IAH1: variants seen among roughly 807,000 people sequenced by gnomAD.
IAH1 encodes isoamyl acetate-hydrolyzing esterase 1 homolog.
A neutral mutation model predicts 26.7 loss-of-function variants in IAH1; 24 were observed. That is an observed-to-expected ratio of 0.90 (90% CI 0.65 to 1.26). The LOEUF (loss-of-function observed/expected upper bound fraction) is 1.26. IAH1 is among the 50% of genes most tolerant of loss of function. IAH1 has a pLI of 0.00. For missense variants in IAH1, 300 were observed against 299.9 expected, an observed-to-expected ratio of 1.00 and a Z score of 0.00; for synonymous variants, 140 against 118.5, an observed-to-expected ratio of 1.18 and a Z score of -1.18.
chr2:9,474,073 C>T (rs912660613), upstream of IAH1, among the ~76,000 whole-genome samples: 2 of 152,220 alleles, frequency 1.3e-5, no homozygotes, highest in African/African-American at 4.8e-5. This position sits in a 1 kb window ranked among gnomAD's most constrained non-coding sequence, Gnocchi z 4.3. Flanking sequence ...ATTCGCAGAA[C>T]CACGAGGTAC....
Position 9,474,554 on chromosome 2 carries a change from G to A in IAH1, c.-13G>A. On this transcript the variant is annotated 5_prime_UTR_variant, in exon 1 of 6. Transcript: ENST00000497473. The surrounding 1 kb of genome is among the most constrained non-coding windows in gnomAD (Gnocchi z 4.3). Reference sequence around the variant, plus strand: ...GTGGCTGGCGGCCCCGCCCCGCCCCGCCCGGCTGCTCCATGGCGCTGTGCG... The same window carrying A: ...GTGGCTGGCGGCCCCGCCCCGCCCCACCCGGCTGCTCCATGGCGCTGTGCG... 1 of 1,008,640 alleles carries A rather than the reference G, an allele frequency of 9.9e-7. No individual in the cohort carries two copies. Among genetic ancestry groups the A allele is most frequent in the South Asian group, 1.5e-5 (1 of 66,958 alleles). 62.5% of individuals were successfully genotyped at this position (1,008,640 alleles called of 1,614,324 possible).
In IAH1 at chr2:9,478,252, A is replaced by C. The variant is rs747931342; in HGVS notation, c.165A>C (p.Ser55=). The stretch of plus-strand genomic sequence containing the variant: ...GTGATGTTCTGAATCGTGGATTTTC[A>C]GGTTACAATACCAGGTGGGCCAAAA... The part of the protein sequence containing the change: ...RKCDVLNRGF[S]GYNTRWAKII... Residue 55 remains serine (S), a synonymous_variant, in exon 3 of 6, where the codon TCA becomes TCC. Transcript: ENST00000497473. The C allele has an allele frequency of 1.7e-5, 28 of 1,607,584 alleles. No homozygotes were observed. Among genetic ancestry groups the C allele is most frequent in the Non-Finnish European group, 2.4e-5 (28 of 1,177,840 alleles).
the IAH1 span, among the ~76,000 whole-genome samples, chr2:9,508,377 C>T: frequency 1.3e-5 from 2 of 152,166 alleles, no homozygotes; most frequent in Admixed American, 6.5e-5. Flanking sequence ...CGCTACTTTT[C>T]CTCTGCTCCC....
In IAH1 at chr2:9,481,369, A is replaced by G. The variant is rs1443807498; in HGVS notation, c.367A>G (p.Ile123Val). 1 of 1,614,104 alleles carries G rather than the reference A, an allele frequency of 6.2e-7. No homozygotes were observed. Among genetic ancestry groups the G allele is most frequent in the African/African-American group, 1.3e-5 (1 of 74,934 alleles). Residue 123 changes from isoleucine to valine, a missense_variant, in exon 4 of 6, where the codon ATC becomes GTC. Transcript: ENST00000497473. The stretch of plus-strand genomic sequence containing the variant: ...GGTGCAGTACCTGAAGTCCGTGGAC[A>G]TCCCTGAGAATCGAGTCATTCTCAT... Reference protein sequence around the residue: ...SMVQYLKSVDIPENRVILITP... With the variant: ...SMVQYLKSVDVPENRVILITP...
intron 5 of IAH1, among the ~76,000 whole-genome samples, chr2:9,487,842 G>A (rs537886776): frequency 9.9e-4 from 138 of 139,596 alleles, no homozygotes; most frequent in East Asian, 5.3e-3. Flanking sequence ...GTGCGCGCGC[G>A]CGCGCGCGCT....
chr2:9,494,417 A>G (rs2124965852), downstream of IAH1, among the ~76,000 whole-genome samples: 1 of 152,284 alleles, frequency 6.6e-6, no homozygotes, highest in East Asian at 1.9e-4. Flanking sequence ...AGTCCTTCTC[A>G]GTCTCTGGGC....
At chr2:9,507,347 C>CA in the IAH1 span, among the ~76,000 whole-genome samples, 5 of 151,968 alleles carry the variant, frequency 3.3e-5, no homozygotes, top group Admixed American at 3.3e-4. Context: ...ACTAAAACTA[C>CA]AAAAATTGGC....
chr2:9,497,160 G>T, downstream of IAH1: 1 of 1,614,196 alleles, frequency 6.2e-7, no homozygotes, highest in African/African-American at 1.3e-5. Context: ...CGCAGAAAGG[G>T]ATGCATTTCC....
intron 2 of IAH1, among the ~76,000 whole-genome samples, chr2:9,476,800 G>C (rs1660823250): frequency 6.6e-6 from 1 of 152,198 alleles, no homozygotes; most frequent in South Asian, 2.1e-4. Context: ...ATCAGTTAAG[G>C]CAGGAACTGG....
the IAH1 span, chr2:9,505,460 G>A: frequency 7.7e-7 from 1 of 1,306,598 alleles, no homozygotes; most frequent in Non-Finnish European, 1.1e-6. Context: ...AACTCTTAAT[G>A]TAAAACCACC....
chr2:9,493,387 C>T (rs2124961821), downstream of IAH1, among the ~76,000 whole-genome samples: 1 of 152,296 alleles, frequency 6.6e-6, no homozygotes, highest in South Asian at 2.1e-4. Flanking sequence ...CTCACTTTTA[C>T]ATCAAGCAGG....
chr2:9,474,528 C>G, upstream of IAH1: 1 of 1,354,584 alleles, frequency 7.4e-7, no homozygotes, highest in Non-Finnish European at 9.6e-7. This position sits in a 1 kb window ranked among gnomAD's most constrained non-coding sequence, Gnocchi z 4.3. Context: ...AGGCGCCTCT[C>G]GTGGCTGGCG....
chr2:9,504,853 C>T, the IAH1 span, among the ~76,000 whole-genome samples: 1 of 151,766 alleles, frequency 6.6e-6, no homozygotes, highest in African/African-American at 2.4e-5. Context: ...TAATGTCACA[C>T]TGCTTTCCAG....
the IAH1 span, among the ~76,000 whole-genome samples, chr2:9,508,114 G>C: frequency 2.0e-3 from 301 of 152,270 alleles, no homozygotes; most frequent in Non-Finnish European, 3.2e-3. Flanking sequence ...AAAACATTTT[G>C]CTCCCAAGTT....
At chr2:9,492,959 C>G, downstream of IAH1, 1 of 1,611,244 alleles carries the variant, frequency 6.2e-7, no homozygotes, top group East Asian at 2.2e-5. Context: ...CAGGACAGAC[C>G]CAACGATGTT....
chr2:9,487,506 A>G (rs1228713292), intron 5 of IAH1: 1 of 152,220 alleles, frequency 6.6e-6, no homozygotes, highest in Non-Finnish European at 1.5e-5. Context: ...ATCATGTCAT[A>G]TGATTCAGAA....
chr2:9,508,229 AG>A, the IAH1 span, among the ~76,000 whole-genome samples: 1 of 152,184 alleles, frequency 6.6e-6, no homozygotes, highest in East Asian at 1.9e-4. Context: ...TTTTGTTCCT[AG>A]TCACATATTT....
chr2:9,486,703 C>G (rs1423572275), intron 5 of IAH1: 1 of 152,102 alleles, frequency 6.6e-6, no homozygotes, highest in African/African-American at 2.4e-5. Flanking sequence ...GTGGCAGTCA[C>G]CTGTAATCCC....
intron 1 of IAH1, among the ~76,000 whole-genome samples, chr2:9,475,502 TC>T (rs1224682277): frequency 6.7e-4 from 102 of 151,284 alleles, no homozygotes; most frequent in African/African-American, 2.2e-3. Flanking sequence ...TTTTTTTTTT[TC>T]TTTTTTTCTT....
Sources: allele counts gnomAD v4.1 joint callset (sites outside exome capture counted in the v4.1 genomes callset), GRCh38; gene constraint gnomAD v4.1.1; non-coding constraint Gnocchi (gnomAD v3.1); transcripts MANE v1.5; gene names NCBI Gene and HGNC (gene_info 2026-07-23, HGNC 2026-07-21).